CSMD3: variants seen among roughly 807,000 people sequenced by gnomAD.
The protein encoded by CSMD3 is CUB and Sushi multiple domains 3, also known as CUB and sushi domain-containing protein 3.
CSMD3 carries 177 observed loss-of-function variants against 435.2 expected under a neutral mutation model. The ratio of observed to expected loss-of-function variants is 0.41; its 90% confidence interval spans 0.36 to 0.46. The LOEUF (loss-of-function observed/expected upper bound fraction) is 0.46, where lower values mean the gene tolerates loss of function less well. Among genes scored for constraint, CSMD3 ranks in the 20% least tolerant of loss-of-function variants. The pLI, the probability that CSMD3 is intolerant of heterozygous loss-of-function variation, is 0.34. For synonymous variants in CSMD3, 1,656 were observed against 1,520.5 expected, an observed-to-expected ratio of 1.09 and a Z score of -2.07; for missense variants, 4,265 against 4,504.6, an observed-to-expected ratio of 0.95 and a Z score of 1.52.
At chr8:112,926,935 G>T (rs765270235) in intron 9 of CSMD3, among the ~76,000 whole-genome samples, 1 of 152,070 alleles carries the variant, frequency 6.6e-6, no homozygotes, top group Non-Finnish European at 1.5e-5. Flanking sequence ...AGTAGCAGAT[G>T]CATATTTTTC....
At position 113,121,276 on chromosome 8, in the gene CSMD3, T is replaced by C. The variant is rs201758921; in HGVS notation, c.710-22313A>G. On this transcript the variant is annotated intron_variant, in intron 4 of 70. Coordinates refer to ENST00000297405, the MANE Select transcript of CSMD3 (RefSeq NM_198123.2). ...AGAATTAGTCATGCACAATCAACTG[T>C]GTTAAATACTGGTGGGGGGAGGGGG... Among the ~76,000 whole-genome samples the C allele has an allele frequency of 2.6e-5, 4 of 152,064 alleles. No homozygotes were observed. The East Asian group carries it at 5.8e-4, about 22-fold the overall frequency.
chr8:113,060,730 G>A (rs2088577235), intron 5 of CSMD3, among the ~76,000 whole-genome samples: 2 of 152,204 alleles, frequency 1.3e-5, no homozygotes, highest in South Asian at 4.1e-4. Context: ...CAAAGGGGTT[G>A]TCTCAAAAGA....
At chr8:112,948,967 C>T (rs1260816704) in intron 8 of CSMD3, among the ~76,000 whole-genome samples, 4 of 151,960 alleles carry the variant, frequency 2.6e-5, no homozygotes, top group African/African-American at 9.7e-5. Flanking sequence ...TGGTGTGCAG[C>T]AGCACAATCA....
intron 1 of CSMD3, among the ~76,000 whole-genome samples, chr8:113,433,953 C>T (rs530682827): frequency 6.6e-5 from 10 of 152,292 alleles, no homozygotes; most frequent in African/African-American, 9.6e-5. Flanking sequence ...AGCACCTGCC[C>T]TGTCCCACGC....
At chr8:112,336,451 C>T (rs747837076) in intron 44 of CSMD3, among the ~76,000 whole-genome samples, 4 of 151,862 alleles carry the variant, frequency 2.6e-5, no homozygotes, top group Non-Finnish European at 5.9e-5. Flanking sequence ...CAATGCTTAC[C>T]TAGTTCATGG....
At position 112,676,244 on chromosome 8, in the gene CSMD3, G is replaced by A. The variant is rs528972813; in HGVS notation, c.2677+6198C>T. Among the ~76,000 whole-genome samples the A allele has an allele frequency of 1.3e-4, 20 of 152,012 alleles. No homozygotes were observed. The East Asian group carries it at 1.9e-3, about 15-fold the overall frequency. On this transcript the variant is annotated intron_variant, in intron 16 of 70. Transcript: ENST00000297405. ...TAGAGATGTAAATTTGAGAGACAGC[G>A]GCATGTAGATATTGTTTACAGTTAG...
rs56864880 is a variant in CSMD3 at position 113,285,850 on chromosome 8, A to T, written c.402-7146T>A. ...AAATGCATGTAAACTCATACTAATG[A>T]ATAATCATTTCATTTTGATACATTT... On this transcript the variant is annotated intron_variant, in intron 2 of 70. Transcript: ENST00000297405. Among the ~76,000 whole-genome samples the T allele has an allele frequency of 3.5e-3, 538 of 152,330 alleles. 2 individuals carry two copies. The highest frequency in any genetic ancestry group is 0.012 in the African/African-American group (500 of 41,576).
intron 5 of CSMD3, among the ~76,000 whole-genome samples, chr8:113,046,701 T>A (rs1211995647): frequency 6.6e-6 from 1 of 152,188 alleles, no homozygotes. Flanking sequence ...CAGCCTCTGC[T>A]GTTTTTATTG....
chr8:112,607,805 C>T (rs991550704), intron 22 of CSMD3, among the ~76,000 whole-genome samples: 1 of 151,948 alleles, frequency 6.6e-6, no homozygotes, highest in Non-Finnish European at 1.5e-5. Context: ...AGAAAGAATG[C>T]ACCTAAACAC....
chr8:112,565,529 GATT>G (rs1341137899), intron 24 of CSMD3, among the ~76,000 whole-genome samples: 1 of 152,048 alleles, frequency 6.6e-6, no homozygotes, highest in African/African-American at 2.4e-5. Flanking sequence ...GCTCCATGTA[GATT>G]ATTAAATGAT....
chr8:113,281,998 T>C (rs1040795513), intron 2 of CSMD3, among the ~76,000 whole-genome samples: 1 of 152,020 alleles, frequency 6.6e-6, no homozygotes, highest in Non-Finnish European at 1.5e-5. Flanking sequence ...AGGCTGAAGA[T>C]AGGCACCAAT....
intron 1 of CSMD3, among the ~76,000 whole-genome samples, chr8:113,415,808 T>C (rs1057349152): frequency 2.6e-5 from 4 of 152,110 alleles, no homozygotes; most frequent in African/African-American, 9.7e-5. Context: ...TCTCCATAAT[T>C]TTAACATATG....
intron 7 of CSMD3, among the ~76,000 whole-genome samples, chr8:112,972,991 A>G (rs2084713035): frequency 6.6e-6 from 1 of 151,994 alleles, no homozygotes; most frequent in Admixed American, 6.6e-5. Flanking sequence ...TTCTCAGAGT[A>G]TCCTTAGGGA....
intron 10 of CSMD3, among the ~76,000 whole-genome samples, chr8:112,897,623 G>GGAAAAGT (rs2130394005): frequency 6.7e-6 from 1 of 148,854 alleles, no homozygotes; most frequent in South Asian, 2.1e-4. Context: ...TTACTCTTTA[G>GGAAAAGT]GAAAAGTGGT....
intron 38 of CSMD3, among the ~76,000 whole-genome samples, chr8:112,370,514 T>C (rs1828286449): frequency 6.6e-6 from 1 of 152,170 alleles, no homozygotes; most frequent in South Asian, 2.1e-4. Context: ...TCTCATTTAA[T>C]TTCCTACTAC....
chr8:112,663,096 G>A (rs2075427637), intron 17 of CSMD3, among the ~76,000 whole-genome samples: 1 of 152,040 alleles, frequency 6.6e-6, no homozygotes, highest in South Asian at 2.1e-4. Context: ...CAGGGATCTA[G>A]AACTAGAAAT....
At chr8:112,413,462 A>C (rs1418874958) in intron 32 of CSMD3, among the ~76,000 whole-genome samples, 1 of 152,160 alleles carries the variant, frequency 6.6e-6, no homozygotes, top group Non-Finnish European at 1.5e-5. Flanking sequence ...ACTTCATCCA[A>C]TTTGCTTAAT....
At chr8:112,692,414 T>C (rs577757104) in intron 13 of CSMD3, among the ~76,000 whole-genome samples, 1 of 152,316 alleles carries the variant, frequency 6.6e-6, no homozygotes, top group South Asian at 2.1e-4. Context: ...ATTTTGTTGC[T>C]GCTTTCTAAT....
intron 59 of CSMD3, among the ~76,000 whole-genome samples, chr8:112,267,291 C>G (rs1387354717): frequency 6.6e-6 from 1 of 152,044 alleles, no homozygotes; most frequent in African/African-American, 2.4e-5. Context: ...GCCCTTAAAA[C>G]AGTTCGATGA....
Sources: allele counts gnomAD v4.1 joint callset (sites outside exome capture counted in the v4.1 genomes callset), GRCh38; gene constraint gnomAD v4.1.1; transcripts MANE v1.5; gene names NCBI Gene and HGNC (gene_info 2026-07-23, HGNC 2026-07-21).